MMD2: variants seen among roughly 807,000 people sequenced by gnomAD.
MMD2 encodes the protein monocyte to macrophage differentiation associated 2, also known as monocyte to macrophage differentiation factor 2.
MMD2 carries 30 observed loss-of-function variants against 33.5 expected under a neutral mutation model. The ratio of observed to expected loss-of-function variants is 0.90; its 90% confidence interval spans 0.67 to 1.22. MMD2 has a LOEUF of 1.22. MMD2 is among the 50% of genes most tolerant of loss of function. The pLI, the probability that MMD2 is intolerant of heterozygous loss-of-function variation, is 0.00. For missense variants in MMD2, 364 were observed against 325.4 expected (o/e 1.12, Z -0.91); for synonymous variants, 129 against 123.0 (o/e 1.05, Z -0.32).
chr7:4,935,441 A>C (rs796141163), intron 1 of MMD2, among the ~76,000 whole-genome samples: 1 of 152,072 alleles, frequency 6.6e-6, no homozygotes, highest in Non-Finnish European at 1.5e-5. Context: ...TGGCATGCTT[A>C]GAAGTTTCTT....
intron 1 of MMD2, among the ~76,000 whole-genome samples, chr7:4,957,564 G>A (rs576968162): frequency 2.6e-5 from 4 of 151,726 alleles, no homozygotes; most frequent in East Asian, 2.0e-4. Flanking sequence ...CAGGAGAATC[G>A]CTTGAAACCA....
rs149034982 is a variant in MMD2, at chr7:4,953,076, G to A, written c.47+5895C>T. On this transcript the variant is annotated intron_variant, in intron 1 of 6. Transcript: ENST00000401401. Reference sequence around the variant, plus strand: ...GGTGGTCTCAAACTCCTGGCCTCAAGTAATCCACCGGGATTACAGGCATGA... The same window carrying A: ...GGTGGTCTCAAACTCCTGGCCTCAAATAATCCACCGGGATTACAGGCATGA... 3.9e-3 allele frequency among the ~76,000 whole-genome samples: 588 copies of A among 152,006 alleles called. 4 individuals are homozygous for A. The highest frequency in any genetic ancestry group is 0.013 in the African/African-American group (540 of 41,466).
chr7:4,950,891 T>C (rs1329313307), intron 1 of MMD2, among the ~76,000 whole-genome samples: 1 of 152,062 alleles, frequency 6.6e-6, no homozygotes, highest in Non-Finnish European at 1.5e-5. Context: ...TTTTGCATTT[T>C]TAGTAGAGAC....
At chr7:4,944,760 C>CTTTTTTTTTTTTTTTTT (rs142716643) in intron 1 of MMD2, among the ~76,000 whole-genome samples, 1 of 75,276 alleles carries the variant, frequency 1.3e-5, no homozygotes, top group Non-Finnish European at 2.3e-5. Context: ...TCTTCTTCTT[C>CTTTTTTTTTTTTTTTTT]TTTTTTTTTT....
At position 4,946,117 on chromosome 7, in the gene MMD2, GCACGCACACA is replaced by G. The variant is rs1786074821; in HGVS notation, c.47+12844_47+12853del. On this transcript the variant is annotated intron_variant, in intron 1 of 6. Transcript: ENST00000401401. The surrounding 1 kb of genome is among the most constrained non-coding windows in gnomAD (Gnocchi z 5.0). ...CACACACGCATGCACACGCGCACAC[GCACGCACACA>G]CCTGCACACGCACGCACACCCACAC... 5.5e-5 allele frequency among the ~76,000 whole-genome samples: 8 copies of G among 145,610 alleles called. No homozygotes were observed. The South Asian group carries it at 1.8e-3, about 32-fold the overall frequency.
At chr7:4,923,238 G>A (rs1265360502) in intron 2 of MMD2, among the ~76,000 whole-genome samples, 1 of 151,990 alleles carries the variant, frequency 6.6e-6, no homozygotes, top group East Asian at 1.9e-4. Context: ...TCAGTAGCTG[G>A]GATTACAGGC....
chr7:4,952,148 G>A (rs548450566), intron 1 of MMD2, among the ~76,000 whole-genome samples: 1 of 152,340 alleles, frequency 6.6e-6, no homozygotes, highest in South Asian at 2.1e-4. Flanking sequence ...GAACACAAGA[G>A]GGTTTGAATG....
downstream of MMD2, among the ~76,000 whole-genome samples, chr7:4,903,647 G>A (rs975957586): frequency 1.3e-5 from 2 of 152,222 alleles, no homozygotes; most frequent in African/African-American, 4.8e-5. Context: ...GGGTGTGGGA[G>A]GTGTGTTGCT....
chr7:4,902,094 G>C (rs944157981), downstream of MMD2, among the ~76,000 whole-genome samples: 2 of 152,122 alleles, frequency 1.3e-5, no homozygotes, highest in East Asian at 3.9e-4. Context: ...GGGATTACAG[G>C]CGTGTGCCAC....
chr7:4,950,432 T>C (rs1159236757), intron 1 of MMD2, among the ~76,000 whole-genome samples: 1 of 152,038 alleles, frequency 6.6e-6, no homozygotes, highest in African/African-American at 2.4e-5. Flanking sequence ...GTCACCACCA[T>C]CCATCTCCAG....
intron 1 of MMD2, among the ~76,000 whole-genome samples, chr7:4,945,199 T>A (rs532558274): frequency 7.3e-6 from 1 of 137,458 alleles, no homozygotes; most frequent in Non-Finnish European, 1.6e-5. Flanking sequence ...TTCTTCTTCT[T>A]CTTCTTCTTC....
At chr7:4,928,500 TGA>T (rs1785491149) in intron 1 of MMD2, among the ~76,000 whole-genome samples, 1 of 151,690 alleles carries the variant, frequency 6.6e-6, no homozygotes, top group Admixed American at 6.6e-5. Context: ...GAGCCTTCAT[TGA>T]GCACCTTCCG....
At chr7:4,945,185 T>TCCTTCTTCTTCTTCTTCTTCTTC (rs1786024637) in intron 1 of MMD2, among the ~76,000 whole-genome samples, 1 of 93,480 alleles carries the variant, frequency 1.1e-5, no homozygotes, top group African/African-American at 4.0e-5. Context: ...CCTCTTCCTC[T>TCCTTCTTCTTCTTCTTCTTCTTC]TTCTTCTTCT....
At position 4,940,404 on chromosome 7, in the gene MMD2, C is replaced by A. The variant is rs1203128247; in HGVS notation, c.48-14872G>T. Among the ~76,000 whole-genome samples, 1 of 152,240 alleles carries A rather than the reference C, an allele frequency of 6.6e-6. No individual in the cohort carries two copies. Among genetic ancestry groups the A allele is most frequent in the East Asian group, 1.9e-4 (1 of 5,196 alleles). ...CGCGGCTGCAGCCACCCCTCCCAGG[C>A]TGGGCTGGTGCCTGTCAGTGGCGAC... On this transcript the variant is annotated intron_variant, in intron 1 of 6. Transcript: ENST00000401401. This position sits in a 1 kb window ranked among gnomAD's most constrained non-coding sequence, Gnocchi z 5.0.
In MMD2 at chr7:4,923,552, G is replaced by A. The variant is rs1785340601; in HGVS notation, c.129+1899C>T. The stretch of plus-strand genomic sequence containing the variant: ...TGTCCATTCTACAGATAAGGAAACT[G>A]AGGCTCAGGGCCACTAAATGATGGA... On this transcript the variant is annotated intron_variant, in intron 2 of 6. Transcript: ENST00000401401. Among the ~76,000 whole-genome samples the A allele has an allele frequency of 1.3e-5, 2 of 152,156 alleles. 1 individual carries two copies. The highest frequency in any genetic ancestry group is 4.1e-4 in the South Asian group (2 of 4,822).
At chr7:4,937,004 G>A in intron 1 of MMD2, among the ~76,000 whole-genome samples, 1 of 151,210 alleles carries the variant, frequency 6.6e-6, no homozygotes, top group Non-Finnish European at 1.5e-5. Context: ...CCAAAGTGTT[G>A]GAATTACAGG....
At chr7:4,944,230 G>C (rs927647177) in intron 1 of MMD2, among the ~76,000 whole-genome samples, 2 of 151,608 alleles carry the variant, frequency 1.3e-5, no homozygotes, top group Non-Finnish European at 2.9e-5. Flanking sequence ...AGCTATGATC[G>C]AACCACCGCA....
the MMD2 span, among the ~76,000 whole-genome samples, chr7:4,900,280 A>C: frequency 6.6e-6 from 1 of 152,142 alleles, no homozygotes; most frequent in African/African-American, 2.4e-5. Context: ...AGAAAAAGAA[A>C]ACAGTAATTT....
rs563843987 is a variant in MMD2 at position 4,945,012 on chromosome 7, ACCTCTC to A, written c.47+13953_47+13958del. Among the ~76,000 whole-genome samples the A allele has an allele frequency of 4.8e-3, 571 of 118,602 alleles. 2 individuals are homozygous for A. Among genetic ancestry groups the A allele is most frequent in the Admixed American group, 6.3e-3 (76 of 12,056 alleles). 77.8% of individuals were successfully genotyped at this position (118,602 alleles called of 152,430 possible). On this transcript the variant is annotated intron_variant, in intron 1 of 6. Coordinates refer to ENST00000401401, the MANE Select transcript of MMD2 (RefSeq NM_198403.4). ...TCTTTCTTCTTTTTCTTCTTTTCTT[ACCTCTC>A]CCTCTCCCTCTCCCTCTCCCTCTCT...
Sources: gnomAD v4.1 joint callset for allele counts (sites outside exome capture counted in the v4.1 genomes callset) on GRCh38, gnomAD v4.1.1 for gene constraint, Gnocchi (gnomAD v3.1) non-coding constraint, MANE v1.5 for transcripts, NCBI Gene and HGNC (gene_info 2026-07-23, HGNC 2026-07-21) for gene names.